Variants in EXD3 observed in about 807,000 individuals in gnomAD.
EXD3 encodes exonuclease mut-7 homolog.
Under a neutral mutation model 98.0 loss-of-function variants are expected in EXD3, and 92 were observed. The observed-to-expected ratio is 0.94, with a 90% CI of 0.79 to 1.12. The LOEUF (loss-of-function observed/expected upper bound fraction) is 1.12. Ranked by LOEUF, EXD3 falls within the 50% of genes most tolerant of loss-of-function variation. The pLI is 0.00. For missense variants in EXD3, 1,222 were observed against 1,191.6 expected (o/e 1.03, Z -0.38); for synonymous variants, 569 against 526.0 (o/e 1.08, Z -1.12).
chr9:137,407,954 G>A lies in EXD3; in HGVS notation c.-47-12550C>T, dbSNP rs116102645. Reference sequence around the variant, plus strand: ...AATGCGGAGCCTCAAGCCTCCAGGGGTTTTCCAGCCTCACGCCTCCGGGGG... The same window carrying A: ...AATGCGGAGCCTCAAGCCTCCAGGGATTTTCCAGCCTCACGCCTCCGGGGG... On this transcript the variant is annotated intron_variant, in intron 1 of 21. Coordinates refer to ENST00000340951, the MANE Select transcript of EXD3 (RefSeq NM_017820.5). This position sits in a 1 kb window ranked among gnomAD's most constrained non-coding sequence, Gnocchi z 4.4. Among the ~76,000 whole-genome samples the A allele has an allele frequency of 3.8e-4, 57 of 151,364 alleles. No individual in the cohort carries two copies. Among genetic ancestry groups the A allele is most frequent in the Non-Finnish European group, 6.5e-4 (44 of 67,492 alleles).
chr9:137,410,448 G>T (rs550169151), intron 1 of EXD3, among the ~76,000 whole-genome samples: 61 of 145,706 alleles, frequency 4.2e-4, no homozygotes, highest in Non-Finnish European at 7.9e-4. Flanking sequence ...TTGCACCACC[G>T]CATTCCAGCC....
rs567820520 is a variant in EXD3, at chr9:137,364,218, C to T, written c.656+2275G>A. Among the ~76,000 whole-genome samples the T allele has an allele frequency of 8.7e-4, 132 of 152,190 alleles. 3 individuals carry two copies. In the South Asian group the frequency reaches 0.014, roughly 17 times the overall value. On this transcript the variant is annotated intron_variant, in intron 7 of 21. Coordinates refer to ENST00000340951, the MANE Select transcript of EXD3 (RefSeq NM_017820.5). ...TCTGAAAAGCCCTTGCTTCTTTCAG[C>T]GGAGAATGGCATTTGGTGACTAAGA... is the stretch of plus-strand genomic sequence containing the variant.
chr9:137,377,445 T>TTA (rs1835967623), intron 3 of EXD3, among the ~76,000 whole-genome samples: 2 of 94,490 alleles, frequency 2.1e-5, no homozygotes, highest in African/African-American at 7.9e-5. Context: ...ACTCTGTCTC[T>TTA]AAAAAAAAAA....
intron 1 of EXD3, among the ~76,000 whole-genome samples, chr9:137,397,561 C>A (rs1177602907): frequency 1.3e-5 from 2 of 152,040 alleles, no homozygotes; most frequent in Non-Finnish European, 2.9e-5. Flanking sequence ...AGTGGAAAAA[C>A]ACAAAAAACA....
In EXD3 at chr9:137,307,084, T is replaced by C; in HGVS notation, c.2497A>G (p.Thr833Ala). 2 of 1,611,104 alleles carry C rather than the reference T, an allele frequency of 1.2e-6. No homozygotes were observed. The highest frequency in any genetic ancestry group is 1.1e-5 in the South Asian group (1 of 90,806). The part of the protein sequence containing the change: ...TPGLRCFYCC[T>A]GCGKVFWDGS... Reference sequence around the variant, plus strand: ...TCCCAGAAGACCTTTCCACAGCCCGTGCAGCAGTAGAAGCACCGCAGCCCA... The same window carrying C: ...TCCCAGAAGACCTTTCCACAGCCCGCGCAGCAGTAGAAGCACCGCAGCCCA... The change falls in exon 22 of 22, where the codon ACG becomes GCG. Residue 833 changes from threonine (T) to alanine (A), a missense_variant. Coordinates refer to ENST00000340951, the MANE Select transcript of EXD3 (RefSeq NM_017820.5).
chr9:137,328,464 C>CT (rs1418389364), intron 17 of EXD3, among the ~76,000 whole-genome samples: 11 of 151,978 alleles, frequency 7.2e-5, no homozygotes, highest in African/African-American at 9.7e-5. Flanking sequence ...CTAATATACA[C>CT]CTATATGATG....
At chr9:137,335,330 T>A (rs866124121) in intron 17 of EXD3, among the ~76,000 whole-genome samples, 1 of 151,854 alleles carries the variant, frequency 6.6e-6, no homozygotes, top group African/African-American at 2.4e-5. Flanking sequence ...ATCAGGGAAA[T>A]GCAAATTAAA....
chr9:137,341,312 C>CA (rs35684882), intron 17 of EXD3, among the ~76,000 whole-genome samples: 11 of 152,014 alleles, frequency 7.2e-5, no homozygotes, highest in East Asian at 1.9e-4. Flanking sequence ...GACCCTGTCT[C>CA]AAAAAAAGAA....
At chr9:137,409,099 G>C (rs527801825) in intron 1 of EXD3, among the ~76,000 whole-genome samples, 17 of 152,298 alleles carry the variant, frequency 1.1e-4, no homozygotes, top group South Asian at 4.1e-4. Context: ...GGACGTGCCC[G>C]GGGGGTGAGG....
intron 17 of EXD3, among the ~76,000 whole-genome samples, chr9:137,326,007 A>G (rs1367145369): frequency 2.0e-5 from 3 of 148,588 alleles, no homozygotes; most frequent in African/African-American, 7.4e-5. Context: ...CTGAGCCGGG[A>G]GGTCAAGGCT....
intron 19 of EXD3, 37 bp from the exon 20 acceptor site, chr9:137,309,737 C>T (rs1416078203): frequency 2.7e-6 from 4 of 1,506,298 alleles, no homozygotes; most frequent in East Asian, 4.9e-5. Flanking sequence ...CCAGGCGGGG[C>T]TTCTCCGGGT....
intron 8 of EXD3, among the ~76,000 whole-genome samples, chr9:137,355,799 C>T (rs1834749306): frequency 6.6e-6 from 1 of 152,056 alleles, no homozygotes; most frequent in South Asian, 2.1e-4. Flanking sequence ...CTGTACCCTC[C>T]TGAGATTCAA....
chr9:137,349,022 C>G lies in EXD3; in HGVS notation c.1830+88G>C, dbSNP rs980326721. ...CCCTCCACACGCTCTGACCCAGTGG[C>G]CTTGTCTCCATGCAGGTCCTTGGTT... On this transcript the variant is annotated intron_variant, in intron 16 of 21. Transcript: ENST00000340951. The surrounding 1 kb of genome is among the most constrained non-coding windows in gnomAD (Gnocchi z 7.4). 9 of 1,438,082 alleles carry G rather than the reference C, an allele frequency of 6.3e-6. No individual in the cohort carries two copies. Among genetic ancestry groups the G allele is most frequent in the Middle Eastern group, 3.7e-4 (2 of 5,474 alleles). The allele number at this position is 1,438,082 out of a possible 1,614,324, so 89.1% of individuals were successfully genotyped here.
chr9:137,327,988 C>T (rs919573131), intron 17 of EXD3, among the ~76,000 whole-genome samples: 4 of 140,904 alleles, frequency 2.8e-5, no homozygotes, highest in African/African-American at 1.1e-4. Context: ...AATATACACC[C>T]ATATGATGAG....
intron 17 of EXD3, among the ~76,000 whole-genome samples, chr9:137,327,354 C>T (rs1201549875): frequency 1.3e-5 from 2 of 152,054 alleles, no homozygotes; most frequent in African/African-American, 2.4e-5. Context: ...AGGATGGTCT[C>T]GACCTCCTGA....
At chr9:137,330,382 G>T (rs1394603053) in intron 17 of EXD3, among the ~76,000 whole-genome samples, 1 of 139,702 alleles carries the variant, frequency 7.2e-6, no homozygotes, top group African/African-American at 2.8e-5. Flanking sequence ...AGCTACACAG[G>T]ACTACACAGG....
chr9:137,417,662 G>C (rs1208187015), intron 1 of EXD3, among the ~76,000 whole-genome samples: 1 of 152,202 alleles, frequency 6.6e-6, no homozygotes, highest in South Asian at 2.1e-4. Flanking sequence ...GAGGCGCGCG[G>C]CCACCACGCG....
chr9:137,353,800 G>C (rs960116617), intron 10 of EXD3: 1 of 986,068 alleles, frequency 1.0e-6, no homozygotes, highest in Non-Finnish European at 1.2e-6. Context: ...GCTCCTGCAC[G>C]ACCTCCCACC....
intron 17 of EXD3, among the ~76,000 whole-genome samples, chr9:137,328,586 ACGGGAC>A (rs1832642822): frequency 1.5e-4 from 3 of 19,900 alleles, no homozygotes; most frequent in African/African-American, 2.2e-4. Flanking sequence ...CAGGAGCTAC[ACGGGAC>A]TACACGGGAC....
Sources: allele counts gnomAD v4.1 joint callset (sites outside exome capture counted in the v4.1 genomes callset), GRCh38; gene constraint gnomAD v4.1.1; non-coding constraint Gnocchi (gnomAD v3.1); transcripts MANE v1.5; gene names NCBI Gene and HGNC (gene_info 2026-07-23, HGNC 2026-07-21).